The following TRIO variants were observed in gnomAD, a reference collection of about 807,000 sequenced individuals.
TRIO encodes the protein trio Rho guanine nucleotide exchange factor.
TRIO carries 58 observed loss-of-function variants against 351.9 expected under a neutral mutation model. The observed-to-expected ratio is 0.16, with a 90% CI of 0.13 to 0.21. TRIO has a LOEUF of 0.21. TRIO is among the 10% of genes least tolerant of loss of function. The pLI is 1.00. For missense variants in TRIO, 3,201 were observed against 4,027.8 expected (o/e 0.79, Z 5.56); for synonymous variants, 1,758 against 1,595.7 (o/e 1.10, Z -2.42).
At chr5:14,181,818 G>A (rs909953251) in intron 1 of TRIO, among the ~76,000 whole-genome samples, 8 of 152,068 alleles carry the variant, frequency 5.3e-5, no homozygotes, top group Admixed American at 1.3e-4. Flanking sequence ...TGGTGGCCAC[G>A]CCCCTCCCGG....
chr5:14,382,049 C>T (rs1474230855), intron 21 of TRIO, among the ~76,000 whole-genome samples: 1 of 152,102 alleles, frequency 6.6e-6, no homozygotes, highest in Admixed American at 6.5e-5. Flanking sequence ...TCTGAGTATA[C>T]GTCCTTTGTA....
intron 11 of TRIO, among the ~76,000 whole-genome samples, chr5:14,343,353 C>A (rs1292932420): frequency 6.6e-6 from 1 of 152,210 alleles, no homozygotes; most frequent in Non-Finnish European, 1.5e-5. Flanking sequence ...CAGAACCATA[C>A]AGAATTTTCC....
chr5:14,232,186 TG>T (rs952749974), intron 1 of TRIO, among the ~76,000 whole-genome samples: 24 of 152,198 alleles, frequency 1.6e-4, no homozygotes, highest in African/African-American at 5.8e-4. Flanking sequence ...TTTGTGTTTT[TG>T]CCACTGTTCT....
At chr5:14,365,661 C>T (rs1429010033) in intron 15 of TRIO, among the ~76,000 whole-genome samples, 2 of 152,208 alleles carry the variant, frequency 1.3e-5, no homozygotes, top group Non-Finnish European at 2.9e-5. Context: ...ATAAATGTAT[C>T]CCTTAGGATT....
intron 53 of TRIO, among the ~76,000 whole-genome samples, chr5:14,500,759 G>A (rs1000943574): frequency 1.3e-5 from 2 of 152,002 alleles, no homozygotes; most frequent in Non-Finnish European, 1.5e-5. Flanking sequence ...GTGGTGGTGT[G>A]CGCGTGTGGT....
chr5:14,426,881 G>T (rs967885476), intron 34 of TRIO, among the ~76,000 whole-genome samples: 1 of 152,092 alleles, frequency 6.6e-6, no homozygotes, highest in Non-Finnish European at 1.5e-5. Context: ...TGTTTGTTTC[G>T]TAACTTTAAA....
rs183317182 is a variant in TRIO at position 14,496,424 on chromosome 5, G to A, written c.7881-455G>A. Among the ~76,000 whole-genome samples the A allele has an allele frequency of 2.6e-5, 4 of 152,208 alleles. No homozygotes were observed. The East Asian group carries it at 7.7e-4, about 29-fold the overall frequency. On this transcript the variant is annotated intron_variant, in intron 49 of 56. Coordinates refer to ENST00000344204, the MANE Select transcript of TRIO (RefSeq NM_007118.4). ...TGCAGGCTGAGCCTGAAGACAGTCT[G>A]CTAGAGAACGCCCTCTTGCTTGGGA...
intron 20 of TRIO, 50 bp downstream of exon 20, chr5:14,378,177 C>A: frequency 2.2e-6 from 3 of 1,375,878 alleles, no homozygotes; most frequent in Admixed American, 1.9e-5. Context: ...CGTGCTCACA[C>A]CTGTCTCCAC....
At chr5:14,181,612 T>G (rs1051447464) in intron 1 of TRIO, among the ~76,000 whole-genome samples, 3 of 152,210 alleles carry the variant, frequency 2.0e-5, no homozygotes, top group Non-Finnish European at 4.4e-5. Flanking sequence ...ACAGGACCTG[T>G]GTCTACGGTT....
At chr5:14,313,853 A>G (rs1739142618) in intron 8 of TRIO, among the ~76,000 whole-genome samples, 1 of 152,102 alleles carries the variant, frequency 6.6e-6, no homozygotes, top group Non-Finnish European at 1.5e-5. Context: ...CCCATTCAAC[A>G]TTTTTTACTT....
chr5:14,199,217 AAAC>A (rs1407701612), intron 1 of TRIO, among the ~76,000 whole-genome samples: 38 of 149,820 alleles, frequency 2.5e-4, no homozygotes, highest in African/African-American at 9.3e-4. Flanking sequence ...AAAAAAAAAA[AAAC>A]CTCCCTAAAA....
At chr5:14,304,327 G>T in intron 7 of TRIO, 134 bp from the exon 8 acceptor site, 1 of 880,442 alleles carries the variant, frequency 1.1e-6, no homozygotes, top group Admixed American at 2.9e-5. Flanking sequence ...GATGCCATTT[G>T]AGATGGAGAG....
rs770011777 is a variant in TRIO, at chr5:14,487,790, A to G, written c.7162A>G (p.Ser2388Gly). The G allele has an allele frequency of 5.8e-6, 8 of 1,387,364 alleles. No individual in the cohort carries two copies. Among genetic ancestry groups the G allele is most frequent in the Non-Finnish European group, 7.5e-6 (8 of 1,069,644 alleles). The allele number at this position is 1,387,364 out of a possible 1,614,324, so 85.9% of individuals were successfully genotyped here. A position where few individuals can be genotyped will look rare whatever the true frequency, so the allele number is the denominator to read the frequency against. The stretch of plus-strand genomic sequence containing the variant: ...TGGCGCGGCCCCCGAGGCCGGCCCC[A>G]GCGCGCCCAGCAGGCGGCCCCCCGG... ...PPGAAPEAGP[S>G]APSRRPPGAD... Residue 2388 changes from serine to glycine, a missense_variant, in exon 48 of 57, where the codon AGC becomes GGC. Ser to Gly is a moderately conservative substitution (Grantham distance 56). This residue lies in a region of TRIO where 1,089 missense variants were observed against 954.9 expected (regional missense o/e 1.14). Coordinates refer to ENST00000344204, the MANE Select transcript of TRIO (RefSeq NM_007118.4).
chr5:14,421,227 A>ATTTATTTATTTTATTTTATTTTAT (rs57377021), intron 34 of TRIO, among the ~76,000 whole-genome samples: 108 of 118,064 alleles, frequency 9.1e-4, no homozygotes, highest in African/African-American at 3.4e-3. Flanking sequence ...TTATTTATTT[A>ATTTATTTATTTTATTTTATTTTAT]TTTATTTTAT....
At chr5:14,195,789 G>C (rs1378040250) in intron 1 of TRIO, among the ~76,000 whole-genome samples, 1 of 152,124 alleles carries the variant, frequency 6.6e-6, no homozygotes, top group Non-Finnish European at 1.5e-5. Flanking sequence ...TGACTGGATT[G>C]CTCCGATTGT....
intron 37 of TRIO, among the ~76,000 whole-genome samples, chr5:14,471,007 T>C (rs955070066): frequency 1.3e-5 from 2 of 152,204 alleles, no homozygotes; most frequent in African/African-American, 4.8e-5. Context: ...TGTCCAAAAA[T>C]GGGTGCAGTA....
rs1178742306 is a variant in TRIO at position 14,389,357 on chromosome 5, C to T, written c.4017C>T (p.Ile1339=). 4 of 1,611,912 alleles carry T rather than the reference C, an allele frequency of 2.5e-6. No individual in the cohort carries two copies. The highest frequency in any genetic ancestry group is 2.2e-5 in the East Asian group (1 of 44,678). ...CTGGCATTGTAAACAAAGAACTCAT[C>T]ATCTTCGGAAACATGCAAGAAATCT... is the stretch of plus-strand genomic sequence containing the variant. The part of the protein sequence containing the change: ...IPPGIVNKEL[I]IFGNMQEIYE... Residue 1339 remains isoleucine, a synonymous_variant, in exon 25 of 57, where the codon ATC becomes ATT. Coordinates refer to ENST00000344204, the MANE Select transcript of TRIO (RefSeq NM_007118.4).
chr5:14,447,342 T>G (rs1476512916), intron 34 of TRIO, among the ~76,000 whole-genome samples: 2 of 152,252 alleles, frequency 1.3e-5, no homozygotes, highest in East Asian at 3.8e-4. Flanking sequence ...GTCATGTGGC[T>G]CTGTGAAAAC....
chr5:14,488,877 G>C (rs1399916381), intron 48 of TRIO: 1 of 737,500 alleles, frequency 1.4e-6, no homozygotes, highest in Non-Finnish European at 2.5e-6. Flanking sequence ...AGGCGGCTCT[G>C]CAGTGCAGGC....
Sources: gnomAD v4.1 joint callset for allele counts (sites outside exome capture counted in the v4.1 genomes callset) on GRCh38, gnomAD v4.1.1 for gene constraint, gnomAD v4.1.1 regional missense constraint, MANE v1.5 for transcripts, NCBI Gene and HGNC (gene_info 2026-07-23, HGNC 2026-07-21) for gene names.